CRTC3: variants seen among roughly 807,000 people sequenced by gnomAD.
CRTC3 encodes the protein CREB regulated transcription coactivator 3.
CRTC3 carries 26 observed loss-of-function variants against 74.5 expected under a neutral mutation model. The ratio of observed to expected loss-of-function variants is 0.35; its 90% CI spans 0.26 to 0.48. The LOEUF (loss-of-function observed/expected upper bound fraction) is 0.48, where lower values mean the gene tolerates loss of function less well. Among genes scored for constraint, CRTC3 ranks in the 20% least tolerant of loss-of-function variants. The pLI is 0.99. For missense variants in CRTC3, 760 were observed against 787.3 expected (o/e 0.97, Z 0.41); for synonymous variants, 377 against 325.8 (o/e 1.16, Z -1.69).
chr15:90,585,710 C>T (rs1184218988), intron 2 of CRTC3, among the ~76,000 whole-genome samples: 6 of 152,164 alleles, frequency 3.9e-5, no homozygotes, highest in African/African-American at 1.2e-4. Context: ...ATTCCACTCC[C>T]TCTTGCTTTT....
chr15:90,556,811 TAGA>T (rs1413049178), intron 2 of CRTC3, among the ~76,000 whole-genome samples: 2 of 152,148 alleles, frequency 1.3e-5, no homozygotes, highest in Admixed American at 1.3e-4. Context: ...CATATTAAAA[TAGA>T]AGGTTTACAA....
At chr15:90,559,119 T>C (rs1302006996) in intron 2 of CRTC3, among the ~76,000 whole-genome samples, 1 of 152,154 alleles carries the variant, frequency 6.6e-6, no homozygotes, top group African/African-American at 2.4e-5. Context: ...GGAGCAAGGG[T>C]GCTTTGGTTC....
chr15:90,573,460 CT>C (rs1967324803), intron 2 of CRTC3, among the ~76,000 whole-genome samples: 1 of 152,154 alleles, frequency 6.6e-6, no homozygotes, highest in Non-Finnish European at 1.5e-5. Context: ...GCCAAGATTT[CT>C]TAAACATTCA....
At chr15:90,629,728 TC>T (rs1567193308) in intron 11 of CRTC3, among the ~76,000 whole-genome samples, 196 bp downstream of exon 11, 1 of 152,228 alleles carries the variant, frequency 6.6e-6, no homozygotes, top group Non-Finnish European at 1.5e-5. Flanking sequence ...TTCATGATTT[TC>T]TTTTCTTTTT....
At chr15:90,542,055 A>G (rs1966811589) in intron 2 of CRTC3, among the ~76,000 whole-genome samples, 1 of 152,040 alleles carries the variant, frequency 6.6e-6, no homozygotes, top group Non-Finnish European at 1.5e-5. Flanking sequence ...AAGTGCTGGG[A>G]TTACAGGCAT....
intron 13 of CRTC3, among the ~76,000 whole-genome samples, chr15:90,639,053 A>G (rs1969343904): frequency 6.6e-6 from 1 of 152,104 alleles, no homozygotes; most frequent in Admixed American, 6.6e-5. Context: ...GAGACTTTTG[A>G]TGACACTCTC....
chr15:90,599,579 A>G (rs769210840), intron 3 of CRTC3: 94 of 152,178 alleles, frequency 6.2e-4, no homozygotes, highest in Non-Finnish European at 1.2e-3. Flanking sequence ...TGGGTTTTCA[A>G]ATATCCACTA....
intron 4 of CRTC3, 107 bp from the exon 5 acceptor site, chr15:90,604,277 CA>C (rs1164959793): frequency 1.3e-6 from 1 of 797,794 alleles, no homozygotes; most frequent in African/African-American, 1.7e-5. Flanking sequence ...GTAACTCTTG[CA>C]GAGCGAGGTG....
At chr15:90,567,767 G>A (rs1050888844) in intron 2 of CRTC3, among the ~76,000 whole-genome samples, 4 of 152,110 alleles carry the variant, frequency 2.6e-5, no homozygotes, top group African/African-American at 9.7e-5. Context: ...AGCTCTGATG[G>A]AAATGTAGAA....
intron 11 of CRTC3, among the ~76,000 whole-genome samples, chr15:90,635,418 G>T (rs1969197131): frequency 1.3e-5 from 2 of 152,172 alleles, no homozygotes; most frequent in Admixed American, 1.3e-4. Flanking sequence ...GCCGAGGCGG[G>T]TGGATCACCT....
intron 2 of CRTC3, among the ~76,000 whole-genome samples, chr15:90,581,348 C>T (rs893281790): frequency 6.6e-6 from 1 of 152,124 alleles, no homozygotes; most frequent in Non-Finnish European, 1.5e-5. Context: ...TTAGAATTAC[C>T]ATGTGCTTTA....
intron 2 of CRTC3, among the ~76,000 whole-genome samples, chr15:90,573,231 C>T (rs1195788258): frequency 4.6e-5 from 7 of 152,222 alleles, no homozygotes; most frequent in South Asian, 4.2e-4. Flanking sequence ...TACTCAAGGG[C>T]GGGGATTCCA....
At chr15:90,588,915 TG>T (rs1967732147) in intron 2 of CRTC3, among the ~76,000 whole-genome samples, 1 of 152,214 alleles carries the variant, frequency 6.6e-6, no homozygotes, top group Non-Finnish European at 1.5e-5. Flanking sequence ...AACAAGCCTG[TG>T]GAAGTTATTA....
rs148274597 is a variant in CRTC3, at chr15:90,607,471, A to G, written c.570A>G (p.Pro190=). The G allele has an allele frequency of 4.4e-6, 7 of 1,597,720 alleles. No individual in the cohort carries two copies. In the East Asian group the frequency reaches 1.6e-4, roughly 36 times the overall value. Residue 190 remains proline, a synonymous_variant, in exon 6 of 15, where the codon CCA becomes CCG. Coordinates refer to ENST00000268184, the MANE Select transcript of CRTC3 (RefSeq NM_022769.5). ...GGGGQSAWPA[P]YMGFCDGENN... ...GGGGCCAGTCGGCCTGGCCTGCCCC[A>G]TACATGGGTAAGACACACAGGCCAC...
chr15:90,557,330 C>G (rs558753263), intron 2 of CRTC3, among the ~76,000 whole-genome samples: 23 of 152,242 alleles, frequency 1.5e-4, no homozygotes, highest in Admixed American at 1.5e-3. Flanking sequence ...AGCTGTTCCC[C>G]TTGAGGTTGC....
Position 90,643,329 on chromosome 15 carries a change from G to C in CRTC3, c.*1189G>C, listed in dbSNP as rs1969517214. On this transcript the variant is annotated 3_prime_UTR_variant, in exon 15 of 15. Transcript: ENST00000268184. ...TTCTAGCACTCGTGCCTATGGTGAA[G>C]CATGCACTTTAATATGCTTTTAACA... 4.3e-6 allele frequency: 1 copy of C among 230,470 alleles called. No individual in the cohort carries two copies. Among genetic ancestry groups the C allele is most frequent in the Admixed American group, 5.6e-5 (1 of 17,708 alleles). 14.3% of individuals were successfully genotyped at this position (230,470 alleles called of 1,614,324 possible).
At chr15:90,541,249 G>C (rs1006857167) in intron 2 of CRTC3, among the ~76,000 whole-genome samples, 1 of 152,176 alleles carries the variant, frequency 6.6e-6, no homozygotes, top group African/African-American at 2.4e-5. Context: ...TAAACTTTAA[G>C]ATGAAGCATT....
intron 2 of CRTC3, among the ~76,000 whole-genome samples, chr15:90,541,344 T>A (rs1395887109): frequency 6.6e-6 from 1 of 152,240 alleles, no homozygotes; most frequent in East Asian, 1.9e-4. Context: ...TTTGATGATG[T>A]CAAATAAAGC....
intron 6 of CRTC3, among the ~76,000 whole-genome samples, chr15:90,612,498 T>A (rs956784082): frequency 1.3e-5 from 2 of 152,036 alleles, no homozygotes; most frequent in Admixed American, 1.3e-4. Context: ...ACTCAGGCAG[T>A]TTCACATGGT....
Sources: allele counts gnomAD v4.1 joint callset (sites outside exome capture counted in the v4.1 genomes callset), GRCh38; gene constraint gnomAD v4.1.1; transcripts MANE v1.5; gene names NCBI Gene and HGNC (gene_info 2026-07-23, HGNC 2026-07-21).